Variants in CADPS2 observed in about 807,000 individuals in gnomAD.
CADPS2 encodes calcium dependent secretion activator 2, also known as calcium-dependent secretion activator 2.
Under a neutral mutation model 172.5 loss-of-function variants are expected in CADPS2, and 93 were observed. The ratio of observed to expected loss-of-function variants is 0.54; its 90% CI spans 0.46 to 0.64. CADPS2 has a LOEUF of 0.64. Among genes scored for constraint, CADPS2 ranks in the 30% least tolerant of loss-of-function variants. CADPS2 has a pLI of 0.00. For missense variants in CADPS2, 1,420 were observed against 1,565.9 expected, an observed-to-expected ratio of 0.91 and a Z score of 1.57; for synonymous variants, 546 against 555.2, an observed-to-expected ratio of 0.98 and a Z score of 0.23.
Position 122,367,529 on chromosome 7 carries a change from C to G in CADPS2, c.3388-6516G>C, listed in dbSNP as rs538965930. 6.4e-5 allele frequency among the ~76,000 whole-genome samples: 9 copies of G among 140,090 alleles called. No homozygotes were observed. The East Asian group carries it at 1.6e-3, about 25-fold the overall frequency. The allele number at this position is 140,090 out of a possible 152,430, so 91.9% of individuals were successfully genotyped here. ...TTGGCTCTGTTAACCATATTCTAAA[C>G]CTTCCCCCAGTTTTTTTTTTTTTTT... On this transcript the variant is annotated intron_variant, in intron 25 of 29. Coordinates refer to ENST00000449022, the MANE Select transcript of CADPS2 (RefSeq NM_017954.11).
intron 1 of CADPS2, among the ~76,000 whole-genome samples, chr7:122,848,668 A>G (rs878931640): frequency 2.0e-5 from 3 of 152,212 alleles, no homozygotes; most frequent in Admixed American, 2.0e-4. Flanking sequence ...TCATTCTCTC[A>G]TTCAGAGGTT....
intron 20 of CADPS2, among the ~76,000 whole-genome samples, chr7:122,401,359 G>T (rs1321334472): frequency 6.6e-6 from 1 of 152,224 alleles, no homozygotes; most frequent in Admixed American, 6.5e-5. Flanking sequence ...TTGGGAACCA[G>T]TTCCCAATAG....
rs1332573407 is a variant in CADPS2 at position 122,393,232 on chromosome 7, G to T, written c.2972C>A (p.Ser991Tyr). Residue 991 changes from serine (S) to tyrosine (Y), a missense_variant, in exon 22 of 30, where the codon TCT (serine) becomes TAT (tyrosine). By Grantham distance (144) the Ser-to-Tyr change is moderately radical (BLOSUM62 -2). Coordinates refer to ENST00000449022, the MANE Select transcript of CADPS2 (RefSeq NM_017954.11). Reference sequence around the variant, plus strand: ...TAAAGAAGGCATCCACGAAGCAGTAGAAATGTTAGGAATCTGTGGAAGATT... The same window carrying T: ...TAAAGAAGGCATCCACGAAGCAGTATAAATGTTAGGAATCTGTGGAAGATT... ...PLNLPQIPNI[S>Y]TASWMPSLYE... 6.2e-7 allele frequency: 1 copy of T among 1,613,728 alleles called. No individual in the cohort carries two copies. The highest frequency in any genetic ancestry group is 1.3e-5 in the African/African-American group (1 of 74,902).
intron 9 of CADPS2, among the ~76,000 whole-genome samples, chr7:122,511,533 A>G (rs1355332801): frequency 6.6e-6 from 1 of 152,168 alleles, no homozygotes; most frequent in Admixed American, 6.6e-5. Context: ...CATACTGAAC[A>G]TCTGTGGTTA....
In CADPS2 at chr7:122,780,927, G is replaced by C. The variant is rs78634253; in HGVS notation, c.340-43859C>G. On this transcript the variant is annotated intron_variant, in intron 1 of 29. Transcript: ENST00000449022. ...CTCTTACACATGTATTCTTATTTAA[G>C]GCTGCTTTTATTCTATGGGATTAAG... is the stretch of plus-strand genomic sequence containing the variant. 6.4e-3 allele frequency among the ~76,000 whole-genome samples: 969 copies of C among 152,256 alleles called. 9 individuals carry two copies. Among genetic ancestry groups the C allele is most frequent in the African/African-American group, 0.022 (926 of 41,552 alleles).
At chr7:122,350,655 T>G (rs1269080164) in intron 27 of CADPS2, among the ~76,000 whole-genome samples, 1 of 152,142 alleles carries the variant, frequency 6.6e-6, no homozygotes, top group Admixed American at 6.5e-5. Context: ...TTATGCCAAC[T>G]TAAATATTTA....
intron 2 of CADPS2, among the ~76,000 whole-genome samples, chr7:122,715,751 C>T (rs535878156): frequency 4.4e-4 from 67 of 151,772 alleles, no homozygotes; most frequent in Admixed American, 9.2e-4. Flanking sequence ...AAACCAACCA[C>T]AGTGCAAAGC....
At chr7:122,788,926 T>A (rs1794667701) in intron 1 of CADPS2, among the ~76,000 whole-genome samples, 1 of 152,170 alleles carries the variant, frequency 6.6e-6, no homozygotes, top group Non-Finnish European at 1.5e-5. Context: ...CAGTTCATCA[T>A]TTCCCTTTTA....
intron 3 of CADPS2, among the ~76,000 whole-genome samples, chr7:122,639,208 T>G (rs2077359903): frequency 6.6e-6 from 1 of 152,250 alleles, no homozygotes; most frequent in African/African-American, 2.4e-5. Flanking sequence ...TGGTTAACGT[T>G]CTTTTTTACA....
At chr7:122,878,738 A>T (rs1275474324) in intron 1 of CADPS2, among the ~76,000 whole-genome samples, 4 of 152,130 alleles carry the variant, frequency 2.6e-5, no homozygotes, top group African/African-American at 9.7e-5. Context: ...AAAGAATTAA[A>T]TTAATAAACT....
chr7:122,570,138 CGA>C (rs1563734500), intron 7 of CADPS2, among the ~76,000 whole-genome samples: 5 of 147,452 alleles, frequency 3.4e-5, no homozygotes, highest in Admixed American at 2.0e-4. Context: ...ACTCATCTGA[CGA>C]AGGGCTAATA....
chr7:122,740,394 T>C (rs952341705), intron 1 of CADPS2, among the ~76,000 whole-genome samples: 25 of 152,056 alleles, frequency 1.6e-4, no homozygotes, highest in African/African-American at 6.0e-4. Context: ...TATCAAGCCA[T>C]GGAAAGACAT....
chr7:122,643,160 A>G (rs914706521), intron 3 of CADPS2, among the ~76,000 whole-genome samples: 3 of 152,168 alleles, frequency 2.0e-5, no homozygotes, highest in Non-Finnish European at 4.4e-5. Flanking sequence ...CTTGCTTACC[A>G]TATCTAGCAG....
intron 3 of CADPS2, among the ~76,000 whole-genome samples, chr7:122,660,984 G>T (rs184124701): frequency 1.1e-3 from 162 of 152,202 alleles, no homozygotes; most frequent in African/African-American, 3.7e-3. Context: ...AAAGACTTAT[G>T]TTAAAAGTAA....
chr7:122,655,170 GA>G (rs2079596931), intron 3 of CADPS2, among the ~76,000 whole-genome samples: 1 of 152,146 alleles, frequency 6.6e-6, no homozygotes, highest in African/African-American at 2.4e-5. Flanking sequence ...AAGATGCTGT[GA>G]ACACTGTTGA....
intron 11 of CADPS2, among the ~76,000 whole-genome samples, chr7:122,482,526 G>A (rs1320392260): frequency 6.6e-6 from 1 of 152,162 alleles, no homozygotes; most frequent in East Asian, 1.9e-4. Context: ...TTCTGGTCAT[G>A]ATGGCATAAT....
intron 11 of CADPS2, among the ~76,000 whole-genome samples, chr7:122,481,344 C>G (rs2057284759): frequency 6.6e-6 from 1 of 152,064 alleles, no homozygotes; most frequent in Non-Finnish European, 1.5e-5. Flanking sequence ...CAAATTGAAA[C>G]AGTTTCCCTT....
intron 8 of CADPS2, among the ~76,000 whole-genome samples, chr7:122,547,289 AAAT>A (rs890313338): frequency 5.0e-4 from 76 of 152,232 alleles, no homozygotes; most frequent in African/African-American, 1.7e-3. Context: ...AGTTTTGGGG[AAAT>A]AATATATTTC....
At chr7:122,640,971 T>C (rs2077578697) in intron 3 of CADPS2, among the ~76,000 whole-genome samples, 1 of 151,230 alleles carries the variant, frequency 6.6e-6, no homozygotes, top group Admixed American at 6.6e-5. Flanking sequence ...CACTAGATCC[T>C]AGTGCCGGAT....
Sources: gnomAD v4.1 joint callset for allele counts (sites outside exome capture counted in the v4.1 genomes callset) on GRCh38, gnomAD v4.1.1 for gene constraint, MANE v1.5 for transcripts, NCBI Gene and HGNC (gene_info 2026-07-23, HGNC 2026-07-21) for gene names.